Variants in VPS53 observed in about 807,000 individuals in gnomAD.
VPS53 encodes VPS53 subunit of GARP complex, also known as vacuolar protein sorting-associated protein 53 homolog.
Under a neutral mutation model 107.0 loss-of-function variants are expected in VPS53, and 70 were observed. That is an observed-to-expected ratio of 0.65 (90% CI 0.54 to 0.80). The LOEUF (loss-of-function observed/expected upper bound fraction) is 0.80, where lower values mean the gene tolerates loss of function less well. Among genes scored for constraint, VPS53 ranks in the 30% least tolerant of loss-of-function variants. The pLI is 0.00. For missense variants in VPS53, 917 were observed against 1,049.4 expected (o/e 0.87, Z 1.74); for synonymous variants, 409 against 393.3 (o/e 1.04, Z -0.47).
intron 7 of VPS53, among the ~76,000 whole-genome samples, chr17:642,585 T>C (rs202023847): frequency 2.6e-4 from 29 of 109,854 alleles, no homozygotes; most frequent in African/African-American, 4.1e-4. Flanking sequence ...ACTTGGCAAC[T>C]GAGGACAACA....
intron 17 of VPS53, among the ~76,000 whole-genome samples, chr17:542,189 G>C (rs968711101): frequency 5.9e-5 from 9 of 152,240 alleles, no homozygotes; most frequent in Non-Finnish European, 1.2e-4. Context: ...GCTGCCTGAT[G>C]AATGAATCAT....
chr17:552,050 C>T (rs2151838029), intron 16 of VPS53, 100 bp from the exon 17 acceptor site: 1 of 1,156,868 alleles, frequency 8.6e-7, no homozygotes, highest in Non-Finnish European at 1.2e-6. Flanking sequence ...CATCATTTCA[C>T]TGGCAAAGTT....
intron 20 of VPS53, among the ~76,000 whole-genome samples, chr17:521,102 T>A (rs1908718827): frequency 6.6e-6 from 1 of 152,250 alleles, no homozygotes; most frequent in Non-Finnish European, 1.5e-5. Context: ...CAGAGGCAGA[T>A]GCGCAGGGCT....
intron 4 of VPS53, among the ~76,000 whole-genome samples, chr17:670,891 C>G (rs1402980867): frequency 6.6e-6 from 1 of 152,188 alleles, no homozygotes; most frequent in African/African-American, 2.4e-5. Context: ...TTTCTGTTTT[C>G]CAACTTGACA....
intron 2 of VPS53, among the ~76,000 whole-genome samples, chr17:700,097 A>G (rs1257783466): frequency 2.0e-5 from 3 of 152,224 alleles, no homozygotes; most frequent in East Asian, 1.9e-4. Flanking sequence ...TTATACTTCA[A>G]TAAATACACA....
In VPS53 at chr17:692,863, T is replaced by C. The variant is rs180715605; in HGVS notation, c.285+4555A>G. Among the ~76,000 whole-genome samples, 331 of 150,218 alleles carry C rather than the reference T, an allele frequency of 2.2e-3. 1 individual carries two copies. The highest frequency in any genetic ancestry group is 7.7e-3 in the African/African-American group (316 of 40,884). Reference sequence around the variant, plus strand: ...TAAAAATACAAAAATGAGCTGGGCATGGTGGTGCGCACCTGTAATCCCAGC... The same window carrying C: ...TAAAAATACAAAAATGAGCTGGGCACGGTGGTGCGCACCTGTAATCCCAGC... On this transcript the variant is annotated intron_variant, in intron 4 of 21. Coordinates refer to ENST00000437048, the MANE Select transcript of VPS53 (RefSeq NM_001128159.3).
intron 15 of VPS53, 39 bp from the exon 16 acceptor site, chr17:553,501 T>C (rs1329423625): frequency 3.4e-6 from 5 of 1,465,168 alleles, no homozygotes; most frequent in Middle Eastern, 1.7e-4. Context: ...CGGTTAATGA[T>C]TATCCAAAGA....
At chr17:543,300 T>C (rs1910848959) in intron 17 of VPS53, among the ~76,000 whole-genome samples, 1 of 152,230 alleles carries the variant, frequency 6.6e-6, no homozygotes, top group Non-Finnish European at 1.5e-5. Context: ...AGAACTCTTC[T>C]ACCTGTTTCA....
In VPS53 at chr17:519,702, C is replaced by G; in HGVS notation, c.2328+124G>C. The G allele has an allele frequency of 1.3e-6, 1 of 761,046 alleles. No homozygotes were observed. Among genetic ancestry groups the G allele is most frequent in the Non-Finnish European group, 2.2e-6 (1 of 454,362 alleles). The allele number at this position is 761,046 out of a possible 1,614,324, so 47.1% of individuals were successfully genotyped here. On this transcript the variant is annotated intron_variant, in intron 21 of 21. Coordinates refer to ENST00000437048, the MANE Select transcript of VPS53 (RefSeq NM_001128159.3). The surrounding 1 kb of genome is among the most constrained non-coding windows in gnomAD (Gnocchi z 5.0). ...CAGAGGCTTCTCTGAATCCGGTTTG[C>G]TCTGTGGAGCCAGGCACATGCATTT...
At chr17:653,464 A>G in intron 6 of VPS53, 54 bp from the exon 7 acceptor site, 4 of 1,611,798 alleles carry the variant, frequency 2.5e-6, no homozygotes, top group Non-Finnish European at 3.4e-6. Flanking sequence ...GACGCAAGAT[A>G]CAGACACAGA....
Position 509,888 on chromosome 17 carries a change from C to T in VPS53, c.*9240G>A, listed in dbSNP as rs1484137320. ...GACTGGCTCCACCCCTCACCAGTCA[C>T]ATATCAAATCCTGGCTCGCCCCTCA... On this transcript the variant is annotated 3_prime_UTR_variant, in exon 22 of 22. Coordinates refer to ENST00000437048, the MANE Select transcript of VPS53 (RefSeq NM_001128159.3). 1 of 162,082 alleles carries T rather than the reference C, an allele frequency of 6.2e-6. No homozygotes were observed. Among genetic ancestry groups the T allele is most frequent in the Non-Finnish European group, 1.3e-5 (1 of 75,670 alleles). 10.0% of individuals were successfully genotyped at this position (162,082 alleles called of 1,614,324 possible).
At chr17:657,031 T>A (rs2143543992) in intron 5 of VPS53, 2 of 859,172 alleles carry the variant, frequency 2.3e-6, no homozygotes, top group Non-Finnish European at 4.0e-6. Context: ...GGTGAGCACC[T>A]CCAGTCACCA....
intron 17 of VPS53, among the ~76,000 whole-genome samples, chr17:551,115 C>A (rs150713335): frequency 6.6e-6 from 1 of 151,928 alleles, no homozygotes; most frequent in Non-Finnish European, 1.5e-5. Flanking sequence ...AAAAATGAAT[C>A]TCCCATATTC....
chr17:658,229 C>A (rs56663176), intron 5 of VPS53, among the ~76,000 whole-genome samples: 4,771 of 41,992 alleles, frequency 0.11, 184 homozygotes, highest in Non-Finnish European at 0.15. Context: ...TGAAGTGAGA[C>A]ACTCGGCCGT....
At chr17:668,398 T>C (rs781551139) in intron 4 of VPS53, among the ~76,000 whole-genome samples, 1 of 152,188 alleles carries the variant, frequency 6.6e-6, no homozygotes, top group Non-Finnish European at 1.5e-5. Context: ...CCGCTCTGAA[T>C]AAGTGCGCTC....
At chr17:558,990 T>C (rs973408361) in intron 15 of VPS53, among the ~76,000 whole-genome samples, 4 of 152,068 alleles carry the variant, frequency 2.6e-5, no homozygotes, top group Admixed American at 6.6e-5. Flanking sequence ...AGCAAGACTC[T>C]GTCTCAAAAT....
chr17:527,781 T>C (rs1272055522), intron 19 of VPS53, among the ~76,000 whole-genome samples: 1 of 152,126 alleles, frequency 6.6e-6, no homozygotes, highest in East Asian at 1.9e-4. Context: ...TGGCTAATTT[T>C]TAAATTGTTT....
intron 19 of VPS53, among the ~76,000 whole-genome samples, chr17:527,005 G>T (rs8069445): frequency 0.16 from 24,660 of 152,200 alleles, 4,883 homozygotes; most frequent in African/African-American, 0.46. Context: ...CTATCAGGAG[G>T]GATGGAACAA....
At chr17:621,519 C>A (rs2143020767) in intron 11 of VPS53, among the ~76,000 whole-genome samples, 1 of 152,196 alleles carries the variant, frequency 6.6e-6, no homozygotes, top group Admixed American at 6.5e-5. Flanking sequence ...ATTTATGCAC[C>A]AAAAAGGTTG....
Sources: gnomAD v4.1 joint callset for allele counts (sites outside exome capture counted in the v4.1 genomes callset) on GRCh38, gnomAD v4.1.1 for gene constraint, Gnocchi (gnomAD v3.1) non-coding constraint, MANE v1.5 for transcripts, NCBI Gene and HGNC (gene_info 2026-07-23, HGNC 2026-07-21) for gene names.